Variants in OR5P3 observed in about 807,000 individuals in gnomAD.
OR5P3 encodes the protein olfactory receptor 5P3.
For missense variants in OR5P3, 415 were observed against 375.6 expected, an observed-to-expected ratio of 1.10 and a Z score of -0.87; for synonymous variants, 172 against 141.8, an observed-to-expected ratio of 1.21 and a Z score of -1.51.
In OR5P3 at chr11:7,825,948, C is replaced by G. The variant is rs907357450; in HGVS notation, c.25G>C (p.Val9Leu). The G allele has an allele frequency of 3.8e-6, 6 of 1,567,042 alleles. No individual in the cohort carries two copies. Among genetic ancestry groups the G allele is most frequent in the Non-Finnish European group, 5.2e-6 (6 of 1,153,272 alleles). MGTGNDTT[V>L]VEFTLLGLSE... ...AACCCCAAAAGAGTAAACTCTACCACAGTGGTGTCATTTCCAGTCCCCATC... is the reference window on the plus strand; with the variant it reads ...AACCCCAAAAGAGTAAACTCTACCAGAGTGGTGTCATTTCCAGTCCCCATC... The change falls in exon 2 of 2, where the codon GTG becomes CTG. Residue 9 changes from valine (V) to leucine (L), a missense_variant. Coordinates refer to ENST00000641167, the MANE Select transcript of OR5P3 (RefSeq NM_153445.2).
chr11:7,826,618 A>T (rs1007591709), intron 1 of OR5P3, among the ~76,000 whole-genome samples: 1 of 152,198 alleles, frequency 6.6e-6, no homozygotes, highest in African/African-American at 2.4e-5. Context: ...GAAGTAATGC[A>T]CTCACACTAT....
chr11:7,828,673 T>A (rs753618510), intron 1 of OR5P3, among the ~76,000 whole-genome samples: 6 of 152,004 alleles, frequency 3.9e-5, no homozygotes, highest in Non-Finnish European at 2.9e-5. Flanking sequence ...GTAGGTAAAA[T>A]CAAAGGGTCA....
At chr11:7,828,956 T>C (rs138584196) in intron 1 of OR5P3, among the ~76,000 whole-genome samples, 8 of 152,264 alleles carry the variant, frequency 5.3e-5, no homozygotes, top group African/African-American at 1.9e-4. Context: ...TTATACAAAA[T>C]GTTTAAACTG....
In OR5P3 at chr11:7,825,196, A is replaced by G. The variant is rs775951252; in HGVS notation, c.777T>C (p.Tyr259=). 1.2e-6 allele frequency: 2 copies of G among 1,612,990 alleles called. No individual in the cohort carries two copies. Among genetic ancestry groups the G allele is most frequent in the Non-Finnish European group, 1.7e-6 (2 of 1,180,030 alleles). The change falls in exon 2 of 2, where the codon TAT becomes TAC. Residue 259 remains tyrosine, a synonymous_variant. Transcript: ENST00000641167. ...TLFYGTITFI[Y]VMPKSSYSTD... is the part of the protein sequence containing the mutation. ...TTGAGTAGCTGGACTTGGGCATCAC[A>G]TAAATGAAGGTAATGGTCCCATAGA...
rs951567120 is a variant in OR5P3, at chr11:7,825,459, T to C, written c.514A>G (p.Asn172Asp). The change falls in exon 2 of 2, where the codon AAT (asparagine) becomes GAT (aspartate). Residue 172 changes from asparagine (N) to aspartate (D), a missense_variant. Physicochemically the swap from Asn to Asp is conservative, Grantham distance 23. Transcript: ENST00000641167. ...TCACAGAAAAAGTGATTGACTTTAT[T>C]TGGCCCACAGAAGGACAGTCTTAAT... ...CLLRLSFCGP[N>D]KVNHFFCDYS... The C allele has an allele frequency of 7.4e-6, 12 of 1,613,170 alleles. No individual in the cohort carries two copies. The highest frequency in any genetic ancestry group is 1.0e-5 in the Non-Finnish European group (12 of 1,180,050).
rs1293768177 is a variant in OR5P3 at position 7,825,224 on chromosome 11, AGAGT to A, written c.745_748del (p.Thr249CysfsTer11). ...AATGAAGGTAATGGTCCCATAGAAC[AGAGT>A]GACTGCAGTGAGGTGGGAGGTGCAG... On this transcript the variant is annotated frameshift_variant, in exon 2 of 2. Transcript: ENST00000641167. LOFTEE classifies it low-confidence loss of function (END_TRUNC). The A allele has an allele frequency of 6.2e-7, 1 of 1,612,846 alleles. No homozygotes were observed. Among genetic ancestry groups the A allele is most frequent in the Non-Finnish European group, 8.5e-7 (1 of 1,180,036 alleles).
At chr11:7,828,075 G>A (rs1339440370) in intron 1 of OR5P3, among the ~76,000 whole-genome samples, 3 of 152,062 alleles carry the variant, frequency 2.0e-5, no homozygotes, top group African/African-American at 7.2e-5. Context: ...GAGAGAGAAT[G>A]TCCACAAGCA....
intron 1 of OR5P3, among the ~76,000 whole-genome samples, chr11:7,827,243 C>T (rs1484488342): frequency 6.6e-6 from 1 of 152,168 alleles, no homozygotes; most frequent in Non-Finnish European, 1.5e-5. Context: ...TGGTTCATTA[C>T]ATATTTAAAA....
At chr11:7,830,773 C>CA (rs1407224369) in intron 1 of OR5P3, 51 bp downstream of exon 1, 3 of 151,976 alleles carry the variant, frequency 2.0e-5, no homozygotes, top group African/African-American at 7.2e-5. Flanking sequence ...ACTTCTAATA[C>CA]AAAAATGAGA....
rs1857724846 is a variant in OR5P3 at position 7,825,464 on chromosome 11, C to G, written c.509G>C (p.Gly170Ala). The G allele has an allele frequency of 6.2e-7, 1 of 1,613,170 alleles. No individual in the cohort carries two copies. The highest frequency in any genetic ancestry group is 1.1e-5 in the South Asian group (1 of 91,076). Residue 170 changes from glycine (G) to alanine (A), a missense_variant, in exon 2 of 2, where the codon GGG (glycine) becomes GCG (alanine). Gly to Ala is a moderately conservative substitution (Grantham distance 60). Coordinates refer to ENST00000641167, the MANE Select transcript of OR5P3 (RefSeq NM_153445.2). Reference protein sequence around the residue: ...IGCLLRLSFCGPNKVNHFFCD... With the variant: ...IGCLLRLSFCAPNKVNHFFCD... ...GAAAAAGTGATTGACTTTATTTGGC[C>G]CACAGAAGGACAGTCTTAATAAGCA...
At chr11:7,829,130 A>G (rs1452940148) in intron 1 of OR5P3, among the ~76,000 whole-genome samples, 1 of 152,170 alleles carries the variant, frequency 6.6e-6, no homozygotes, top group Non-Finnish European at 1.5e-5. Context: ...GACTTTATGA[A>G]AAAGCAACCT....
In OR5P3 at chr11:7,825,662, A is replaced by G. The variant is rs945207910; in HGVS notation, c.311T>C (p.Val104Ala). ...GCACTCGGCCGTACCAAACGTCACT[A>G]CAGAACAGAGCTGGGCCACACAACC... ...VAGCVAQLCS[V>A]VTFGTAECFL... is the part of the protein sequence containing the mutation. Residue 104 changes from valine (V) to alanine (A), a missense_variant, in exon 2 of 2, where the codon GTA (valine) becomes GCA (alanine). Val to Ala is a moderately conservative substitution (Grantham distance 64). Coordinates refer to ENST00000641167, the MANE Select transcript of OR5P3 (RefSeq NM_153445.2). The G allele has an allele frequency of 1.9e-6, 3 of 1,612,984 alleles. No individual in the cohort carries two copies. The highest frequency in any genetic ancestry group is 2.2e-5 in the East Asian group (1 of 44,894).
rs1427966961 is a variant in OR5P3 at position 7,825,851 on chromosome 11, C to T, written c.122G>A (p.Gly41Asp). The T allele has an allele frequency of 4.3e-6, 7 of 1,611,638 alleles. No individual in the cohort carries two copies. Among genetic ancestry groups the T allele is most frequent in the Non-Finnish European group, 5.9e-6 (7 of 1,179,006 alleles). Reference protein sequence around the residue: ...FLGIYVVTLMGNISIIVLIRR... With the variant: ...FLGIYVVTLMDNISIIVLIRR... ...GATCAATACAATTATGCTGATATTA[C>T]CCATTAAGGTGACAACATAAATTCC... The change falls in exon 2 of 2, where the codon GGT (glycine) becomes GAT (aspartate). Residue 41 changes from glycine (G) to aspartate (D), a missense_variant. Transcript: ENST00000641167.
At position 7,825,693 on chromosome 11, in the gene OR5P3, C is replaced by G; in HGVS notation, c.280G>C (p.Val94Leu). The change falls in exon 2 of 2, where the codon GTT (valine) becomes CTT (leucine). Residue 94 changes from valine to leucine, a missense_variant. Val to Leu is a conservative substitution (Grantham distance 32). Transcript: ENST00000641167. ...SFLRKETSLP[V>L]AGCVAQLCSV... ...CAGAGCTGGGCCACACAACCAGCAA[C>G]AGGGAGAGAGGTTTCTTTCCTTAGG... is the stretch of plus-strand genomic sequence containing the variant. 6.2e-7 allele frequency: 1 copy of G among 1,613,198 alleles called. No homozygotes were observed. Among genetic ancestry groups the G allele is most frequent in the Non-Finnish European group, 8.5e-7 (1 of 1,180,036 alleles).
In OR5P3 at chr11:7,824,891, G is replaced by T; in HGVS notation, c.*146C>A. The stretch of plus-strand genomic sequence containing the variant: ...GGACTTCTAATTTCCTATTCTATCT[G>T]AAAATCTTCCCTCCTGATTGACTAA... On this transcript the variant is annotated 3_prime_UTR_variant, in exon 2 of 2. Coordinates refer to ENST00000641167, the MANE Select transcript of OR5P3 (RefSeq NM_153445.2). 1 of 467,436 alleles carries T rather than the reference G, an allele frequency of 2.1e-6. No individual in the cohort carries two copies. Among genetic ancestry groups the T allele is most frequent in the Non-Finnish European group, 3.6e-6 (1 of 278,782 alleles). The allele number at this position is 467,436 out of a possible 1,614,324, so 29.0% of individuals were successfully genotyped here. A position where few individuals can be genotyped will look rare whatever the true frequency, so the allele number is the denominator to read the frequency against.
chr11:7,825,520 A>T lies in OR5P3; in HGVS notation c.453T>A (p.Gly151=), dbSNP rs1275067519. ...TGAATGTCCAAGCATTCACACATCC[A>T]CCCAGGTAGGACATGCCCACTAAGA... is the stretch of plus-strand genomic sequence containing the variant. ...CIILVGMSYL[G]GCVNAWTFIG... The change falls in exon 2 of 2, where the codon GGT becomes GGA. Residue 151 remains glycine (G), a synonymous_variant. Coordinates refer to ENST00000641167, the MANE Select transcript of OR5P3 (RefSeq NM_153445.2). 1 of 1,613,240 alleles carries T rather than the reference A, an allele frequency of 6.2e-7. No homozygotes were observed. The highest frequency in any genetic ancestry group is 2.2e-5 in the East Asian group (1 of 44,882).
At chr11:7,826,115 A>G (rs1301008197) in intron 1 of OR5P3, 122 bp from the exon 2 acceptor site, 2 of 582,652 alleles carry the variant, frequency 3.4e-6, no homozygotes, top group Admixed American at 3.3e-5. Flanking sequence ...TTTGGGAAGA[A>G]AATGCTTTCA....
At chr11:7,830,172 C>T (rs1460351062) in intron 1 of OR5P3, among the ~76,000 whole-genome samples, 2 of 152,166 alleles carry the variant, frequency 1.3e-5, no homozygotes, top group African/African-American at 4.8e-5. Flanking sequence ...ACTGCTGTCT[C>T]TTTCTCTCTC....
intron 1 of OR5P3, among the ~76,000 whole-genome samples, chr11:7,827,769 C>T (rs1857761093): frequency 6.6e-6 from 1 of 152,130 alleles, no homozygotes; most frequent in Non-Finnish European, 1.5e-5. Flanking sequence ...TGTCTAAACT[C>T]TAACAACGGG....
Sources: allele counts gnomAD v4.1 joint callset (sites outside exome capture counted in the v4.1 genomes callset), GRCh38; gene constraint gnomAD v4.1.1; transcripts MANE v1.5; gene names NCBI Gene and HGNC (gene_info 2026-07-23, HGNC 2026-07-21).